Variants in SHC4 observed in about 807,000 individuals in gnomAD.
SHC4 encodes SHC-transforming protein 4.
In SHC4, 41 loss-of-function variants were observed where a neutral mutation model predicts 69.4. The ratio of observed to expected loss-of-function variants is 0.59; its 90% confidence interval spans 0.46 to 0.77. SHC4 has a LOEUF of 0.77. Ranked by LOEUF, SHC4 falls within the 30% of genes least tolerant of loss-of-function variation. The pLI, the probability that SHC4 is intolerant of heterozygous loss-of-function variation, is 0.00. For synonymous variants in SHC4, 318 were observed against 299.3 expected (o/e 1.06, Z -0.64); for missense variants, 777 against 783.8 (o/e 0.99, Z 0.10).
rs1004191506 is a variant in SHC4 at position 48,938,990 on chromosome 15, T to G, written c.586-14041A>C. ...TTCCTCATCCATAAAACAAGAACAA[T>G]AGTTTATGTGTTTCATAGGGTTATT... is the stretch of plus-strand genomic sequence containing the variant. On this transcript the variant is annotated intron_variant, in intron 1 of 11. Transcript: ENST00000332408. 3.3e-5 allele frequency among the ~76,000 whole-genome samples: 5 copies of G among 152,102 alleles called. 1 individual carries two copies. Among genetic ancestry groups the G allele is most frequent in the Non-Finnish European group, 2.9e-5 (2 of 68,018 alleles).
chr15:48,879,008 T>A (rs1899887636), intron 4 of SHC4: 3 of 358,366 alleles, frequency 8.4e-6, no homozygotes, highest in South Asian at 1.5e-4. Context: ...TTGTTATTGA[T>A]CCAGATTATT....
chr15:48,889,360 A>G (rs886235681), intron 3 of SHC4, among the ~76,000 whole-genome samples: 2 of 152,220 alleles, frequency 1.3e-5, no homozygotes, highest in Non-Finnish European at 2.9e-5. Context: ...ATGTAATATA[A>G]TGAAGAATGA....
At chr15:48,891,207 T>C (rs1315076288) in intron 2 of SHC4, among the ~76,000 whole-genome samples, 1 of 152,194 alleles carries the variant, frequency 6.6e-6, no homozygotes, top group African/African-American at 2.4e-5. Context: ...AAAAGCTTCA[T>C]AGTATCTCAG....
chr15:48,960,058 AT>A (rs1901516652), intron 1 of SHC4, among the ~76,000 whole-genome samples: 1 of 152,234 alleles, frequency 6.6e-6, no homozygotes, highest in African/African-American at 2.4e-5. Flanking sequence ...AAGAGATGTC[AT>A]TAGCTTGTAT....
chr15:48,871,267 A>G (rs1899672085), intron 5 of SHC4, among the ~76,000 whole-genome samples: 1 of 152,246 alleles, frequency 6.6e-6, no homozygotes, highest in African/African-American at 2.4e-5. Context: ...ATGTTTAACC[A>G]TTATGAAAGT....
At position 48,890,713 on chromosome 15, in the gene SHC4, G is replaced by T. The variant is rs201075654; in HGVS notation, c.720+35C>A. On this transcript the variant is annotated intron_variant, in intron 3 of 11. Coordinates refer to ENST00000332408, the MANE Select transcript of SHC4 (RefSeq NM_203349.4). ...TTCATACTATCTTTGCCATAATTAG[G>T]GAAACATAAACAAGAAAACCACATC... 2.7e-5 allele frequency: 44 copies of T among 1,611,880 alleles called. No homozygotes were observed. In the Admixed American group the frequency reaches 7.3e-4, roughly 27 times the overall value.
At chr15:48,836,041 A>T (rs1414524312) in intron 10 of SHC4, among the ~76,000 whole-genome samples, 1 of 150,328 alleles carries the variant, frequency 6.7e-6, no homozygotes, top group Admixed American at 6.6e-5. Context: ...AAAAAAAAAA[A>T]AAAAAGCCAG....
intron 2 of SHC4, among the ~76,000 whole-genome samples, chr15:48,907,396 T>C (rs562319441): frequency 6.6e-6 from 1 of 152,106 alleles, no homozygotes; most frequent in African/African-American, 2.4e-5. Flanking sequence ...CTAATTTTTG[T>C]ATTTTTTTTG....
chr15:48,853,057 G>A (rs1899246364), intron 8 of SHC4, among the ~76,000 whole-genome samples: 2 of 151,822 alleles, frequency 1.3e-5, no homozygotes, highest in African/African-American at 4.8e-5. Flanking sequence ...TTTCTTCACT[G>A]GCTGTAATAA....
At chr15:48,929,552 T>C (rs756780026) in intron 1 of SHC4, among the ~76,000 whole-genome samples, 1 of 152,236 alleles carries the variant, frequency 6.6e-6, no homozygotes, top group Non-Finnish European at 1.5e-5. Context: ...AGTCCATTGC[T>C]AGGACCCTGT....
intron 4 of SHC4, among the ~76,000 whole-genome samples, chr15:48,875,868 G>T (rs1899788447): frequency 2.0e-5 from 3 of 152,174 alleles, no homozygotes; most frequent in African/African-American, 7.2e-5. Flanking sequence ...AATGTCACCT[G>T]AACTTAACAA....
chr15:48,851,083 G>A, intron 9 of SHC4, 105 bp downstream of exon 9: 1 of 1,048,786 alleles, frequency 9.5e-7, no homozygotes, highest in South Asian at 1.5e-5. Context: ...TTTAGTGGTA[G>A]ATACCTGACT....
At chr15:48,900,964 A>G (rs180804234) in intron 2 of SHC4, among the ~76,000 whole-genome samples, 1 of 152,356 alleles carries the variant, frequency 6.6e-6, no homozygotes, top group East Asian at 1.9e-4. Flanking sequence ...CAGGTTATAT[A>G]GTTTCTGTTA....
rs180799499 is a variant in SHC4, at chr15:48,882,239, C to A, written c.840+2009G>T. On this transcript the variant is annotated intron_variant, in intron 4 of 11. Transcript: ENST00000332408. ...GAGGCCTCTACAGTGGCACATCTCT[C>A]CCCCATATCCCCCAGCCATTTCCCC... 5.9e-5 allele frequency among the ~76,000 whole-genome samples: 9 copies of A among 152,170 alleles called. 1 individual carries two copies. In the East Asian group the frequency reaches 1.7e-3, roughly 29 times the overall value.
At chr15:48,864,449 T>C (rs1899516800) in intron 6 of SHC4, among the ~76,000 whole-genome samples, 3 of 130,700 alleles carry the variant, frequency 2.3e-5, no homozygotes, top group Admixed American at 2.3e-4. Flanking sequence ...TTTTTTTTTT[T>C]TTTTTTTTTT....
chr15:48,837,428 A>T (rs1567048778), intron 10 of SHC4, among the ~76,000 whole-genome samples: 1 of 152,202 alleles, frequency 6.6e-6, no homozygotes, highest in Non-Finnish European at 1.5e-5. Flanking sequence ...AATAAAATTA[A>T]TCACCTATGG....
intron 1 of SHC4, among the ~76,000 whole-genome samples, chr15:48,942,918 G>C (rs1411520274): frequency 2.0e-5 from 3 of 152,184 alleles, no homozygotes; most frequent in Admixed American, 6.5e-5. Flanking sequence ...TGGAAACCAA[G>C]TGTAGGTGAT....
At chr15:48,942,586 T>C (rs996445976) in intron 1 of SHC4, among the ~76,000 whole-genome samples, 16 of 152,236 alleles carry the variant, frequency 1.1e-4, no homozygotes, top group African/African-American at 3.6e-4. Context: ...TTATTAATTA[T>C]TGGTTATTAT....
intron 2 of SHC4, among the ~76,000 whole-genome samples, chr15:48,917,542 T>TC (rs1167151369): frequency 6.6e-6 from 1 of 152,124 alleles, no homozygotes. Flanking sequence ...AGTAAAAACC[T>TC]CCTCTTTTGC....
Sources: gnomAD v4.1 joint callset for allele counts (sites outside exome capture counted in the v4.1 genomes callset) on GRCh38, gnomAD v4.1.1 for gene constraint, MANE v1.5 for transcripts, NCBI Gene and HGNC (gene_info 2026-07-23, HGNC 2026-07-21) for gene names.